The following ZNRF1 variants were observed in gnomAD, a reference collection of about 807,000 sequenced individuals.
The protein encoded by ZNRF1 is E3 ubiquitin-protein ligase ZNRF1.
Under a neutral mutation model 18.4 loss-of-function variants are expected in ZNRF1, and 3 were observed. The ratio of observed to expected loss-of-function variants is 0.16; its 90% confidence interval spans 0.07 to 0.42. The LOEUF (loss-of-function observed/expected upper bound fraction) is 0.42, where lower values mean the gene tolerates loss of function less well. Among genes scored for constraint, ZNRF1 ranks in the 10% least tolerant of loss-of-function variants. The pLI is 0.99. For missense variants in ZNRF1, 310 were observed against 329.8 expected (o/e 0.94, Z 0.47); for synonymous variants, 157 against 144.2 (o/e 1.09, Z -0.64).
intron 1 of ZNRF1, among the ~76,000 whole-genome samples, chr16:75,010,193 G>A (rs964753782): frequency 2.0e-5 from 3 of 152,112 alleles, no homozygotes; most frequent in Admixed American, 2.0e-4. Context: ...ATATTGGCCA[G>A]GCTGGTCTCG....
rs568253319 is a variant in ZNRF1, at chr16:75,024,009, T to C, written c.424+23914T>C. Among the ~76,000 whole-genome samples the C allele has an allele frequency of 5.2e-3, 796 of 151,942 alleles. 6 individuals carry two copies. Among genetic ancestry groups the C allele is most frequent in the African/African-American group, 0.018 (747 of 41,418 alleles). On this transcript the variant is annotated intron_variant, in intron 1 of 4. Transcript: ENST00000335325. ...ACTCAGCCTCCCCAGTAGCTAGGAC[T>C]ACAGGTGCGTGCCACCACACCTGGC...
chr16:75,106,474 C>G lies in ZNRF1; in HGVS notation c.627-8C>G. 1 of 1,614,148 alleles carries G rather than the reference C, an allele frequency of 6.2e-7. No individual in the cohort carries two copies. The highest frequency in any genetic ancestry group is 1.1e-5 in the South Asian group (1 of 91,084). ...AACGTGGTTTCCCTTGCGGCCCCCT[C>G]CTCCCAGCTGCATAGACTCGTGGTT... On this transcript the variant is annotated splice_region_variant and splice_polypyrimidine_tract_variant and intron_variant, in intron 3 of 4. Coordinates refer to ENST00000335325, the MANE Select transcript of ZNRF1 (RefSeq NM_032268.5).
intron 1 of ZNRF1, among the ~76,000 whole-genome samples, chr16:75,063,483 C>T (rs1039075950): frequency 6.6e-6 from 1 of 152,176 alleles, no homozygotes; most frequent in Non-Finnish European, 1.5e-5. Flanking sequence ...GTGCTGCATT[C>T]AGTGTTTGCC....
At chr16:75,040,037 TC>T (rs1454276199) in intron 1 of ZNRF1, among the ~76,000 whole-genome samples, 2 of 124,812 alleles carry the variant, frequency 1.6e-5, no homozygotes, top group African/African-American at 5.6e-5. Flanking sequence ...TTCTTTCTTT[TC>T]TTTCTTTTTT....
In ZNRF1 at chr16:75,036,863, A is replaced by G. The variant is rs527538350; in HGVS notation, c.424+36768A>G. On this transcript the variant is annotated intron_variant, in intron 1 of 4. Transcript: ENST00000335325. ...CCATATGTGATTTCATTTCTTTATT[A>G]TGTTTGCTTAGAGTATATTCGAGAA... Among the ~76,000 whole-genome samples, 26 of 152,152 alleles carry G rather than the reference A, an allele frequency of 1.7e-4. No homozygotes were observed. The South Asian group carries it at 3.5e-3, about 21-fold the overall frequency.
chr16:75,055,203 A>C (rs1403159770), intron 1 of ZNRF1, among the ~76,000 whole-genome samples: 1 of 152,184 alleles, frequency 6.6e-6, no homozygotes, highest in East Asian at 1.9e-4. Context: ...CTCCCATTTT[A>C]ATGCTTTCTA....
intron 1 of ZNRF1, among the ~76,000 whole-genome samples, chr16:75,036,801 C>G (rs1298255121): frequency 6.6e-6 from 1 of 152,158 alleles, no homozygotes; most frequent in East Asian, 1.9e-4. Flanking sequence ...GTATTATACA[C>G]ACGTATGTTT....
intron 1 of ZNRF1, among the ~76,000 whole-genome samples, chr16:75,084,270 T>C (rs1309622285): frequency 6.6e-6 from 1 of 152,122 alleles, no homozygotes; most frequent in Non-Finnish European, 1.5e-5. Context: ...AGGCTAGAAA[T>C]ATTTGGTGAA....
At chr16:75,063,101 A>C (rs1567483223) in intron 1 of ZNRF1, among the ~76,000 whole-genome samples, 1 of 152,220 alleles carries the variant, frequency 6.6e-6, no homozygotes, top group East Asian at 1.9e-4. Flanking sequence ...TTACGAGTGA[A>C]AAACAGGAGA....
chr16:75,071,923 C>T (rs1483174785), intron 1 of ZNRF1, among the ~76,000 whole-genome samples: 1 of 152,092 alleles, frequency 6.6e-6, no homozygotes, highest in Non-Finnish European at 1.5e-5. Flanking sequence ...TACCCCTTGT[C>T]TGCCTGGCTA....
At chr16:75,062,528 C>T (rs967526363) in intron 1 of ZNRF1, among the ~76,000 whole-genome samples, 4 of 152,236 alleles carry the variant, frequency 2.6e-5, no homozygotes, top group Non-Finnish European at 4.4e-5. Flanking sequence ...GCCGCATGCC[C>T]CCGAGCTCCC....
At chr16:75,045,942 G>T (rs1380892100) in intron 1 of ZNRF1, among the ~76,000 whole-genome samples, 1 of 151,626 alleles carries the variant, frequency 6.6e-6, no homozygotes, top group African/African-American at 2.4e-5. Context: ...CACTCTCGTT[G>T]CCCAAGCTAG....
chr16:75,040,025 GTTTC>G (rs920507919), intron 1 of ZNRF1, among the ~76,000 whole-genome samples: 18 of 109,834 alleles, frequency 1.6e-4, no homozygotes, highest in Non-Finnish European at 3.0e-4. Context: ...AAAATCTTTT[GTTTC>G]TTTCTTTTCT....
chr16:75,058,192 C>T (rs960567737), intron 1 of ZNRF1, among the ~76,000 whole-genome samples: 1 of 150,074 alleles, frequency 6.7e-6, no homozygotes, highest in African/African-American at 2.5e-5. Context: ...AGGCTGATCT[C>T]GAACTCCTGG....
chr16:75,108,783 CCTCA>C lies in ZNRF1; in HGVS notation c.*1085_*1088del, dbSNP rs1486575108. ...GGGGGCAAGGGCCTGCCCCCCACTCCCTCACCTACCTCCTTAGCATTCCTTCAGG... is the reference window on the plus strand; with the variant it reads ...GGGGGCAAGGGCCTGCCCCCCACTCCCCTACCTCCTTAGCATTCCTTCAGG... On this transcript the variant is annotated 3_prime_UTR_variant, in exon 5 of 5. Coordinates refer to ENST00000335325, the MANE Select transcript of ZNRF1 (RefSeq NM_032268.5). 2 of 374,754 alleles carry C rather than the reference CCTCA, an allele frequency of 5.3e-6. No individual in the cohort carries two copies. Among genetic ancestry groups the C allele is most frequent in the African/African-American group, 4.2e-5 (2 of 48,130 alleles). 23.2% of individuals were successfully genotyped at this position (374,754 alleles called of 1,614,324 possible).
intron 1 of ZNRF1, among the ~76,000 whole-genome samples, chr16:75,061,910 G>A (rs935041760): frequency 5.3e-5 from 8 of 152,218 alleles, no homozygotes; most frequent in African/African-American, 1.7e-4. Flanking sequence ...AAGTGTAGTA[G>A]AACTGGGAGA....
intron 1 of ZNRF1, among the ~76,000 whole-genome samples, chr16:75,086,272 A>T (rs1001645578): frequency 6.6e-6 from 1 of 152,226 alleles, no homozygotes; most frequent in Non-Finnish European, 1.5e-5. Context: ...ATCACAACAG[A>T]TATGTTAACA....
At chr16:75,011,025 T>C (rs1403925767) in intron 1 of ZNRF1, among the ~76,000 whole-genome samples, 3 of 152,154 alleles carry the variant, frequency 2.0e-5, no homozygotes, top group Non-Finnish European at 4.4e-5. Context: ...AGCTTTAACC[T>C]GGATTCAGGA....
intron 1 of ZNRF1, among the ~76,000 whole-genome samples, chr16:75,028,082 T>G (rs761742840): frequency 3.9e-5 from 6 of 152,192 alleles, no homozygotes; most frequent in Non-Finnish European, 7.3e-5. Context: ...ATACCTCCAT[T>G]TGCAAACAAA....
Sources: allele counts gnomAD v4.1 joint callset (sites outside exome capture counted in the v4.1 genomes callset), GRCh38; gene constraint gnomAD v4.1.1; transcripts MANE v1.5; gene names NCBI Gene and HGNC (gene_info 2026-07-23, HGNC 2026-07-21).